The following SCARB1 variants were observed in gnomAD, a reference collection of about 807,000 sequenced individuals.
The protein encoded by SCARB1 is CD36 and LIMPII analogous 1.
A neutral mutation model predicts 57.2 loss-of-function variants in SCARB1; 30 were observed. The ratio of observed to expected loss-of-function variants is 0.52; its 90% CI spans 0.39 to 0.71. The LOEUF is 0.71. SCARB1 is among the 30% of genes least tolerant of loss of function. The probability of loss-of-function intolerance (pLI) is 0.00; values close to 1 mark genes in which losing one functional copy is unlikely to be tolerated. For synonymous variants in SCARB1, 249 were observed against 268.3 expected (o/e 0.93, Z 0.70); for missense variants, 543 against 671.2 (o/e 0.81, Z 2.11).
chr12:124,863,041 G>A (rs1475872964), intron 1 of SCARB1, among the ~76,000 whole-genome samples: 1 of 152,210 alleles, frequency 6.6e-6, no homozygotes, highest in African/African-American at 2.4e-5. Flanking sequence ...TCTGGGAGAG[G>A]GTTCCTATGG....
At chr12:124,861,473 A>T (rs1299374041) in intron 1 of SCARB1, among the ~76,000 whole-genome samples, 3 of 136,724 alleles carry the variant, frequency 2.2e-5, no homozygotes, top group Admixed American at 7.5e-5. Flanking sequence ...ACCAAAAAGC[A>T]CATTAAAAAA....
chr12:124,846,953 G>A lies in SCARB1; in HGVS notation c.126+16642C>T, dbSNP rs1234455247. On this transcript the variant is annotated intron_variant, in intron 1 of 12. Coordinates refer to ENST00000261693, the MANE Select transcript of SCARB1 (RefSeq NM_005505.5). Reference sequence around the variant, plus strand: ...CTGCATCCAAGTTAAGTCCAAAACCGGACCAAACTAATCCCGGTGTTTAGG... The same window carrying A: ...CTGCATCCAAGTTAAGTCCAAAACCAGACCAAACTAATCCCGGTGTTTAGG... Among the ~76,000 whole-genome samples, 10 of 151,948 alleles carry A rather than the reference G, an allele frequency of 6.6e-5. No individual in the cohort carries two copies. In the South Asian group the frequency reaches 1.2e-3, roughly 19 times the overall value.
At position 124,814,813 on chromosome 12, in the gene SCARB1, G is replaced by T; in HGVS notation, c.426+160C>A. The T allele has an allele frequency of 1.2e-6, 1 of 859,682 alleles. No homozygotes were observed. Among genetic ancestry groups the T allele is most frequent in the Admixed American group, 2.0e-5 (1 of 49,492 alleles). The allele number at this position is 859,682 out of a possible 1,614,324, so 53.3% of individuals were successfully genotyped here. ...CACCTGGGAAACTCAGAACCCACTG[G>T]GGGTGGTGGAGACAGCACAGGGCCG... On this transcript the variant is annotated intron_variant, in intron 3 of 12. Coordinates refer to ENST00000261693, the MANE Select transcript of SCARB1 (RefSeq NM_005505.5). The surrounding 1 kb of genome is among the most constrained non-coding windows in gnomAD (Gnocchi z 4.7).
intron 9 of SCARB1, 61 bp downstream of exon 9, chr12:124,795,134 G>C: frequency 2.2e-6 from 3 of 1,373,302 alleles, no homozygotes; most frequent in Non-Finnish European, 3.1e-6. Flanking sequence ...GGGACCACTG[G>C]AGCACTGAGC....
In SCARB1 at chr12:124,778,366, G is replaced by T; in HGVS notation, c.*221C>A. 8.7e-7 allele frequency: 1 copy of T among 1,149,944 alleles called. No individual in the cohort carries two copies. The highest frequency in any genetic ancestry group is 1.1e-6 in the Non-Finnish European group (1 of 907,976). The allele number at this position is 1,149,944 out of a possible 1,614,324, so 71.2% of individuals were successfully genotyped here. The stretch of plus-strand genomic sequence containing the variant: ...CCTCTCCCTACAAGTCCCTTCAGCA[G>T]CAGCTCCATCCCTGAGTGTCTGCAC... On this transcript the variant is annotated 3_prime_UTR_variant, in exon 13 of 13. Transcript: ENST00000261693.
Position 124,778,335 on chromosome 12 carries a change from G to T in SCARB1, c.*252C>A. 1.1e-6 allele frequency: 1 copy of T among 934,920 alleles called. No homozygotes were observed. The highest frequency in any genetic ancestry group is 1.4e-6 in the Non-Finnish European group (1 of 714,206). 57.9% of individuals were successfully genotyped at this position (934,920 alleles called of 1,614,324 possible). ...AGAAGGTTCCAGAACAGTGCTTGTTGACGAGCCTCTCCCTACAAGTCCCTT... is the reference window on the plus strand; with the variant it reads ...AGAAGGTTCCAGAACAGTGCTTGTTTACGAGCCTCTCCCTACAAGTCCCTT... On this transcript the variant is annotated 3_prime_UTR_variant, in exon 13 of 13. Transcript: ENST00000261693.
chr12:124,807,969 G>A lies in SCARB1; in HGVS notation c.843-42C>T, dbSNP rs2135642410. 6.2e-7 allele frequency: 1 copy of A among 1,604,256 alleles called. No individual in the cohort carries two copies. Among genetic ancestry groups the A allele is most frequent in the Middle Eastern group, 1.8e-4 (1 of 5,542 alleles). ...GGATGAGAGGGGACACCCAGACCCG[G>A]CGGCCAGAGCCAGGCCCTGCCAAAG... is the stretch of plus-strand genomic sequence containing the variant. On this transcript the variant is annotated intron_variant, in intron 6 of 12. Coordinates refer to ENST00000261693, the MANE Select transcript of SCARB1 (RefSeq NM_005505.5). The surrounding 1 kb of genome is among the most constrained non-coding windows in gnomAD (Gnocchi z 5.3).
chr12:124,853,011 C>T (rs1459460756), intron 1 of SCARB1, among the ~76,000 whole-genome samples: 1 of 152,134 alleles, frequency 6.6e-6, no homozygotes, highest in East Asian at 1.9e-4. Context: ...TGCCCTCCAG[C>T]TGAAAAACCA....
At chr12:124,785,897 A>G in intron 11 of SCARB1, 4 of 656,696 alleles carry the variant, frequency 6.1e-6, no homozygotes, top group East Asian at 2.8e-5. Flanking sequence ...AGCTCCTATC[A>G]TGAGTGAAAT....
chr12:124,794,221 G>C (rs976737316), intron 9 of SCARB1, among the ~76,000 whole-genome samples: 25 of 152,254 alleles, frequency 1.6e-4, no homozygotes, highest in African/African-American at 5.1e-4. Flanking sequence ...TGTGGTGATA[G>C]ATACACAATT....
In SCARB1 at chr12:124,817,912, T is replaced by G. The variant is rs1269905358; in HGVS notation, c.127-205A>C. On this transcript the variant is annotated intron_variant, in intron 1 of 12. Transcript: ENST00000261693. The surrounding 1 kb of genome is among the most constrained non-coding windows in gnomAD (Gnocchi z 4.8). ...AATTAAACAGGCAACCTATCCATGC[T>G]GTCATAATGCATCTTAAAATATGTC... is the stretch of plus-strand genomic sequence containing the variant. Among the ~76,000 whole-genome samples, 2 of 152,196 alleles carry G rather than the reference T, an allele frequency of 1.3e-5. No individual in the cohort carries two copies. The highest frequency in any genetic ancestry group is 2.4e-5 in the African/African-American group (1 of 41,450).
intron 9 of SCARB1, among the ~76,000 whole-genome samples, chr12:124,791,213 G>A (rs997609294): frequency 1.3e-5 from 2 of 152,338 alleles, no homozygotes; most frequent in East Asian, 1.9e-4. Flanking sequence ...ACTTGGCCCC[G>A]TGTGGCTTTT....
At chr12:124,785,121 C>T (rs1191979901) in intron 11 of SCARB1, 1 of 152,388 alleles carries the variant, frequency 6.6e-6, no homozygotes, top group Non-Finnish European at 1.5e-5. Context: ...CTGCCCCATC[C>T]TGTTCAAGCC....
At position 124,814,305 on chromosome 12, in the gene SCARB1, A is replaced by G; in HGVS notation, c.527T>C (p.Val176Ala). ...CTTGTAGCCCCACATGATCTCACCC[A>G]CAGTGCGGTTCATGAAGGCACGTTC... The part of the protein sequence containing the change: ...LGERAFMNRT[V>A]GEIMWGYKDP... Residue 176 changes from valine to alanine, a missense_variant, in exon 4 of 13, where the codon GTG (valine) becomes GCG (alanine). Physicochemically the swap from Val to Ala is moderately conservative, Grantham distance 64. Coordinates refer to ENST00000261693, the MANE Select transcript of SCARB1 (RefSeq NM_005505.5). The surrounding 1 kb of genome is among the most constrained non-coding windows in gnomAD (Gnocchi z 4.7). The G allele has an allele frequency of 1.2e-6, 2 of 1,614,218 alleles. No homozygotes were observed. Among genetic ancestry groups the G allele is most frequent in the South Asian group, 2.2e-5 (2 of 91,086 alleles).
At chr12:124,821,786 C>T (rs893423820) in intron 1 of SCARB1, among the ~76,000 whole-genome samples, 1 of 152,234 alleles carries the variant, frequency 6.6e-6, no homozygotes, top group Non-Finnish European at 1.5e-5. Context: ...GTGACCCTTC[C>T]TCCTCTGCCC....
Position 124,811,935 on chromosome 12 carries a change from C to T in SCARB1, c.661G>A (p.Val221Met). Residue 221 changes from valine (V) to methionine (M), a missense_variant, in exon 5 of 13, where the codon GTG (valine) becomes ATG (methionine). By Grantham distance (21) the Val-to-Met change is conservative (BLOSUM62 1). Coordinates refer to ENST00000261693, the MANE Select transcript of SCARB1 (RefSeq NM_005505.5). ...LNNSDSGLFT[V>M]FTGVQNISRI... ...CTGATGTTCTGGACCCCCGTGAACA[C>T]CGTGAAGAGCCCAGAGTCGGAGTTG... is the stretch of plus-strand genomic sequence containing the variant. The T allele has an allele frequency of 1.2e-6, 2 of 1,613,376 alleles. No homozygotes were observed. The highest frequency in any genetic ancestry group is 2.2e-5 in the South Asian group (2 of 90,836).
chr12:124,780,183 A>C (rs1873174158), intron 12 of SCARB1, among the ~76,000 whole-genome samples: 1 of 152,164 alleles, frequency 6.6e-6, no homozygotes. Flanking sequence ...AAGATCGGTG[A>C]GAAGCTAAGA....
rs1594426717 is a variant in SCARB1 at position 124,863,685 on chromosome 12, C to T, written c.36G>A (p.Gly12=). ...GCSAKARWAA[G]ALGVAGLLCA... Reference sequence around the variant, plus strand: ...ACAGTAGCCCCGCGACGCCCAGCGCCCCGGCAGCCCAGCGCGCTTTGGCGG... The same window carrying T: ...ACAGTAGCCCCGCGACGCCCAGCGCTCCGGCAGCCCAGCGCGCTTTGGCGG... The change falls in exon 1 of 13, where the codon GGG becomes GGA. Residue 12 remains glycine, a synonymous_variant. Coordinates refer to ENST00000261693, the MANE Select transcript of SCARB1 (RefSeq NM_005505.5). 5.1e-6 allele frequency: 8 copies of T among 1,554,640 alleles called. No homozygotes were observed. In the East Asian group the frequency reaches 2.0e-4, roughly 39 times the overall value.
intron 1 of SCARB1, among the ~76,000 whole-genome samples, chr12:124,858,667 C>T (rs1327157372): frequency 6.6e-6 from 1 of 151,894 alleles, no homozygotes; most frequent in Admixed American, 6.6e-5. Context: ...ATCACGAGGT[C>T]AGGAGATTGA....
Sources: gnomAD v4.1 joint callset for allele counts (sites outside exome capture counted in the v4.1 genomes callset) on GRCh38, gnomAD v4.1.1 for gene constraint, Gnocchi (gnomAD v3.1) non-coding constraint, MANE v1.5 for transcripts, NCBI Gene and HGNC (gene_info 2026-07-23, HGNC 2026-07-21) for gene names.